The following PTPRA variants were observed in gnomAD, a reference collection of about 807,000 sequenced individuals.
The protein encoded by PTPRA is receptor-type tyrosine-protein phosphatase alpha.
In PTPRA, 25 loss-of-function variants were observed where a neutral mutation model predicts 104.8. The ratio of observed to expected loss-of-function variants is 0.24; its 90% CI spans 0.17 to 0.33. The LOEUF (loss-of-function observed/expected upper bound fraction) is 0.33. Among genes scored for constraint, PTPRA ranks in the 10% least tolerant of loss-of-function variants. The pLI is 1.00. For missense variants in PTPRA, 765 were observed against 1,015.3 expected, an observed-to-expected ratio of 0.75 and a Z score of 3.35; for synonymous variants, 323 against 368.9, an observed-to-expected ratio of 0.88 and a Z score of 1.43.
At chr20:2,983,568 C>CAA (rs58694839) in intron 6 of PTPRA, among the ~76,000 whole-genome samples, 3 of 93,390 alleles carry the variant, frequency 3.2e-5, no homozygotes, top group East Asian at 2.9e-4. Context: ...AAAAAAAATG[C>CAA]AAAAAAAAAA....
intron 12 of PTPRA, among the ~76,000 whole-genome samples, chr20:3,016,647 C>G (rs2064470386): frequency 1.3e-5 from 2 of 152,076 alleles, no homozygotes; most frequent in Admixed American, 6.5e-5. Flanking sequence ...GGCTGAGGCA[C>G]AAGAATCACA....
intron 3 of PTPRA, among the ~76,000 whole-genome samples, chr20:2,961,095 G>A (rs141103610): frequency 1.3e-5 from 2 of 152,118 alleles, no homozygotes; most frequent in East Asian, 3.8e-4. Flanking sequence ...AAACATCCAT[G>A]TGCAGGTTTT....
At chr20:2,920,615 G>T (rs1360253038) in intron 1 of PTPRA, among the ~76,000 whole-genome samples, 2 of 152,146 alleles carry the variant, frequency 1.3e-5, no homozygotes, top group Non-Finnish European at 2.9e-5. Flanking sequence ...AATTCTGAGG[G>T]AGTGATGATG....
intron 2 of PTPRA, among the ~76,000 whole-genome samples, chr20:2,941,322 C>T (rs1454809318): frequency 1.3e-5 from 2 of 152,158 alleles, no homozygotes. Flanking sequence ...TGAGCCACTA[C>T]GCCTTGTCTC....
rs1213730090 is a variant in PTPRA, at chr20:3,015,736, T to C, written c.907-113T>C. 1.5e-5 allele frequency: 12 copies of C among 819,574 alleles called. No homozygotes were observed. The Admixed American group carries it at 2.2e-4, about 15-fold the overall frequency. 50.8% of individuals were successfully genotyped at this position (819,574 alleles called of 1,614,324 possible). On this transcript the variant is annotated intron_variant, in intron 11 of 23. Transcript: ENST00000399903. ...GAATATCTAGACTGGAAATCCCCGT[T>C]AAGTACCTGCACATTTTCAGGTTTT...
chr20:3,002,195 T>G (rs1226156703), intron 9 of PTPRA, among the ~76,000 whole-genome samples: 1 of 152,068 alleles, frequency 6.6e-6, no homozygotes, highest in Non-Finnish European at 1.5e-5. Context: ...TGGTTCCCTT[T>G]GGGTTGGCAT....
At chr20:2,954,343 G>A (rs1336891429) in intron 3 of PTPRA, among the ~76,000 whole-genome samples, 1 of 150,150 alleles carries the variant, frequency 6.7e-6, no homozygotes, top group Non-Finnish European at 1.5e-5. Flanking sequence ...CCTCCCAAAG[G>A]GCTGGGATTA....
chr20:3,002,043 G>A (rs2063651613), intron 9 of PTPRA, among the ~76,000 whole-genome samples: 1 of 151,980 alleles, frequency 6.6e-6, no homozygotes, highest in African/African-American at 2.4e-5. Context: ...AGGAGGCTGA[G>A]GCAGTAGGAT....
intron 3 of PTPRA, among the ~76,000 whole-genome samples, chr20:2,949,666 C>T (rs1487613737): frequency 1.3e-5 from 2 of 150,938 alleles, no homozygotes; most frequent in Non-Finnish European, 2.9e-5. Flanking sequence ...TACTTTATTT[C>T]TGATTTTCAA....
At chr20:3,012,184 G>A (rs774456343) in intron 11 of PTPRA, among the ~76,000 whole-genome samples, 53 of 152,180 alleles carry the variant, frequency 3.5e-4, no homozygotes, top group African/African-American at 8.0e-4. Flanking sequence ...TATCTAGGCC[G>A]TGGGGTACCA....
intron 1 of PTPRA, among the ~76,000 whole-genome samples, chr20:2,915,498 A>ATCTG (rs2059868467): frequency 6.6e-6 from 1 of 151,406 alleles, no homozygotes. Context: ...AGAGTTCTTT[A>ATCTG]TTCTGATAAC....
At chr20:2,904,212 C>G (rs1283033808) in intron 1 of PTPRA, among the ~76,000 whole-genome samples, 2 of 152,046 alleles carry the variant, frequency 1.3e-5, no homozygotes, top group Non-Finnish European at 2.9e-5. Context: ...GGCGCCCAGT[C>G]TATGTATTCT....
At chr20:2,990,083 C>T (rs530663199) in intron 9 of PTPRA, among the ~76,000 whole-genome samples, 5 of 152,228 alleles carry the variant, frequency 3.3e-5, no homozygotes, top group Middle Eastern at 3.4e-3. Flanking sequence ...AGAATAGTTG[C>T]GGGAATACAG....
chr20:2,980,581 G>A (rs2148073172), intron 6 of PTPRA, among the ~76,000 whole-genome samples: 1 of 151,994 alleles, frequency 6.6e-6, no homozygotes, highest in East Asian at 1.9e-4. Context: ...ATGCAGCAGT[G>A]GCTCACGCAC....
intron 1 of PTPRA, among the ~76,000 whole-genome samples, chr20:2,922,529 GGGGTTTCACCATGTT>G (rs1348603335): frequency 6.6e-6 from 1 of 152,024 alleles, no homozygotes. Context: ...TGGTAGAGAC[GGGGTTTCACCATGTT>G]GGCCAGGCTG....
intron 1 of PTPRA, among the ~76,000 whole-genome samples, chr20:2,883,480 G>A (rs1399126291): frequency 2.3e-5 from 1 of 43,036 alleles, no homozygotes; most frequent in Non-Finnish European, 3.6e-5. Flanking sequence ...GTGAAACCCC[G>A]TCTCCACTAA....
chr20:2,935,018 C>T (rs1439505333), intron 2 of PTPRA, among the ~76,000 whole-genome samples: 1 of 152,082 alleles, frequency 6.6e-6, no homozygotes, highest in African/African-American at 2.4e-5. Context: ...ATAAAAATAA[C>T]ATATTAATAT....
In PTPRA at chr20:3,024,549, A is replaced by G. The variant is rs1361240739; in HGVS notation, c.1542A>G (p.Leu514=). 6.2e-7 allele frequency: 1 copy of G among 1,614,128 alleles called. No individual in the cohort carries two copies. The highest frequency in any genetic ancestry group is 1.7e-5 in the Admixed American group (1 of 60,032). The change falls in exon 17 of 24, where the codon CTA becomes CTG. Residue 514 remains leucine (L), a synonymous_variant. Transcript: ENST00000399903. ...YGDTELEVTS[L]ETHLQKIYNK... is the part of the protein sequence containing the mutation. ...ATACAGAACTGGAAGTGACCTCTCTAGAAACCCACCTGCAGAAAATTTACA... is the reference window on the plus strand; with the variant it reads ...ATACAGAACTGGAAGTGACCTCTCTGGAAACCCACCTGCAGAAAATTTACA...
chr20:3,024,840 T>C (rs1431380904), intron 17 of PTPRA, among the ~76,000 whole-genome samples: 1 of 152,182 alleles, frequency 6.6e-6, no homozygotes, highest in Non-Finnish European at 1.5e-5. Context: ...GGCAACAGTA[T>C]TTTAAGGCCC....
Sources: allele counts gnomAD v4.1 joint callset (sites outside exome capture counted in the v4.1 genomes callset), GRCh38; gene constraint gnomAD v4.1.1; transcripts MANE v1.5; gene names NCBI Gene and HGNC (gene_info 2026-07-23, HGNC 2026-07-21).